MOK: variants seen among roughly 807,000 people sequenced by gnomAD.
MOK encodes MAPK/MAK/MRK overlapping kinase.
In MOK, 59 loss-of-function variants were observed where a neutral mutation model predicts 54.2. That is an observed-to-expected ratio of 1.09 (90% CI 0.88 to 1.35). The LOEUF is 1.35. Ranked by LOEUF, MOK falls within the 40% of genes most tolerant of loss-of-function variation. The pLI, the probability that MOK is intolerant of heterozygous loss-of-function variation, is 0.00. For synonymous variants in MOK, 210 were observed against 202.7 expected (o/e 1.04, Z -0.31); for missense variants, 517 against 526.2 (o/e 0.98, Z 0.17).
At chr14:102,278,920 G>T (rs991151594) in intron 2 of MOK, among the ~76,000 whole-genome samples, 1 of 152,088 alleles carries the variant, frequency 6.6e-6, no homozygotes, top group Admixed American at 6.6e-5. Context: ...GCTTTATTAC[G>T]GTGTGCCAGC....
At chr14:102,286,728 G>A (rs1252310497) in intron 1 of MOK, among the ~76,000 whole-genome samples, 1 of 152,048 alleles carries the variant, frequency 6.6e-6, no homozygotes, top group African/African-American at 2.4e-5. Context: ...GGATTAATAT[G>A]GTTTACCTGT....
chr14:102,221,288 G>C (rs886946462), downstream of MOK, among the ~76,000 whole-genome samples: 1 of 152,208 alleles, frequency 6.6e-6, no homozygotes, highest in Admixed American at 6.5e-5. The surrounding 1 kb of genome is among the most constrained non-coding windows in gnomAD (Gnocchi z 4.8). Context: ...TTCTGTTGCC[G>C]GGGGGAAGGG....
chr14:102,253,641 G>A (rs2066705589), intron 4 of MOK, among the ~76,000 whole-genome samples: 1 of 152,226 alleles, frequency 6.6e-6, no homozygotes, highest in African/African-American at 2.4e-5. Flanking sequence ...CACCTGGGCT[G>A]GCTGTGCCTT....
chr14:102,224,375 T>C, downstream of MOK: 1 of 353,964 alleles, frequency 2.8e-6, no homozygotes, highest in South Asian at 2.2e-5. Flanking sequence ...TGAAACCAGC[T>C]CGTGAGCATC....
intron 4 of MOK, among the ~76,000 whole-genome samples, chr14:102,255,210 T>C (rs1366967622): frequency 2.0e-5 from 3 of 152,014 alleles, no homozygotes; most frequent in African/African-American, 7.2e-5. Context: ...CCCAGCTACT[T>C]GGGAGGCTGA....
At chr14:102,219,111 G>A in the MOK span, among the ~76,000 whole-genome samples, 4 of 152,238 alleles carry the variant, frequency 2.6e-5, no homozygotes, top group African/African-American at 9.6e-5. Context: ...CTCGAGGGAA[G>A]CTGCAGCCGG....
chr14:102,221,935 C>T (rs1168660771), downstream of MOK, among the ~76,000 whole-genome samples: 4 of 152,180 alleles, frequency 2.6e-5, no homozygotes, highest in Admixed American at 1.3e-4. The surrounding 1 kb of genome is among the most constrained non-coding windows in gnomAD (Gnocchi z 4.8). Flanking sequence ...TCTTAATGTT[C>T]TTCATAAATG....
At chr14:102,290,546 T>C (rs1234942858) in intron 1 of MOK, among the ~76,000 whole-genome samples, 2 of 151,740 alleles carry the variant, frequency 1.3e-5, no homozygotes, top group Non-Finnish European at 2.9e-5. Context: ...AGTAAATCGG[T>C]ATATTAAAAG....
At position 102,232,321 on chromosome 14, in the gene MOK, G is replaced by A; in HGVS notation, c.866+214C>T. On this transcript the variant is annotated intron_variant, in intron 9 of 11. Transcript: ENST00000361847. The surrounding 1 kb of genome is among the most constrained non-coding windows in gnomAD (Gnocchi z 5.1). The stretch of plus-strand genomic sequence containing the variant: ...TGGACAGCCAGCCCCTCTTTCTCCT[G>A]CCGTGGAGCTGCTAACATCCTCATT... The A allele has an allele frequency of 2.0e-6, 1 of 496,886 alleles. No individual in the cohort carries two copies. The highest frequency in any genetic ancestry group is 3.5e-6 in the Non-Finnish European group (1 of 289,100). The allele number at this position is 496,886 out of a possible 1,614,324, so 30.8% of individuals were successfully genotyped here.
Position 102,235,738 on chromosome 14 carries a change from A to G in MOK, c.591-1949T>C, listed in dbSNP as rs1408123907. ...CGATCCCGCCTCCCGGGAAGGAACT[A>G]TTGTTCTTTACATCCATTTTATTTC... is the stretch of plus-strand genomic sequence containing the variant. On this transcript the variant is annotated intron_variant, in intron 7 of 11. Coordinates refer to ENST00000361847, the MANE Select transcript of MOK (RefSeq NM_014226.3). This position sits in a 1 kb window ranked among gnomAD's most constrained non-coding sequence, Gnocchi z 4.4. Among the ~76,000 whole-genome samples, 1 of 152,156 alleles carries G rather than the reference A, an allele frequency of 6.6e-6. No individual in the cohort carries two copies. Among genetic ancestry groups the G allele is most frequent in the African/African-American group, 2.4e-5 (1 of 41,436 alleles).
chr14:102,263,275 T>C lies in MOK; in HGVS notation c.283+271A>G, dbSNP rs1415142174. On this transcript the variant is annotated intron_variant, in intron 4 of 11. Transcript: ENST00000361847. ...ACGGCGGGGCTGGCTGCAGGCGCTC[T>C]GCAGCAGAGCTGCCCCTGCTGCCTC... 6.6e-5 allele frequency among the ~76,000 whole-genome samples: 10 copies of C among 152,218 alleles called. No individual in the cohort carries two copies. The East Asian group carries it at 1.7e-3, about 26-fold the overall frequency.
At chr14:102,282,910 C>A (rs1401421808) in intron 2 of MOK, among the ~76,000 whole-genome samples, 1 of 151,768 alleles carries the variant, frequency 6.6e-6, no homozygotes, top group Non-Finnish European at 1.5e-5. Flanking sequence ...TAATAATTAG[C>A]CGGGCTTGGT....
rs568194946 is a variant in MOK at position 102,287,991 on chromosome 14, C to T, written c.8-4399G>A. Among the ~76,000 whole-genome samples the T allele has an allele frequency of 7.1e-3, 1,074 of 151,608 alleles. 27 individuals are homozygous for T. The highest frequency in any genetic ancestry group is 0.025 in the African/African-American group (1,010 of 41,110). On this transcript the variant is annotated intron_variant, in intron 1 of 11. Coordinates refer to ENST00000361847, the MANE Select transcript of MOK (RefSeq NM_014226.3). ...CTGGGATTACAGGCGCCCGCCACCG[C>T]GCCCGGCTAATTTTTTGTATTTTTA...
Position 102,235,369 on chromosome 14 carries a change from C to T in MOK, c.591-1580G>A, listed in dbSNP as rs1469697113. 2 of 152,240 alleles carry T rather than the reference C, an allele frequency of 1.3e-5. No individual in the cohort carries two copies. The highest frequency in any genetic ancestry group is 2.9e-5 in the Non-Finnish European group (2 of 68,050). The allele number at this position is 152,240 out of a possible 1,614,324, so 9.4% of individuals were successfully genotyped here. ...CACCCAGTCTTATGAACTTACTTGG[C>T]ATGATCTCTATATTATTTTGTCTTC... is the stretch of plus-strand genomic sequence containing the variant. On this transcript the variant is annotated intron_variant, in intron 7 of 11. Coordinates refer to ENST00000361847, the MANE Select transcript of MOK (RefSeq NM_014226.3). This position sits in a 1 kb window ranked among gnomAD's most constrained non-coding sequence, Gnocchi z 4.4.
At position 102,235,361 on chromosome 14, in the gene MOK, T is replaced by G. The variant is rs1226803645; in HGVS notation, c.591-1572A>C. 4 of 152,284 alleles carry G rather than the reference T, an allele frequency of 2.6e-5. No homozygotes were observed. The highest frequency in any genetic ancestry group is 9.6e-5 in the African/African-American group (4 of 41,476). 9.4% of individuals were successfully genotyped at this position (152,284 alleles called of 1,614,324 possible). On this transcript the variant is annotated intron_variant, in intron 7 of 11. Transcript: ENST00000361847. The surrounding 1 kb of genome is among the most constrained non-coding windows in gnomAD (Gnocchi z 4.4). Reference sequence around the variant, plus strand: ...AAATATCTCACCCAGTCTTATGAACTTACTTGGCATGATCTCTATATTATT... The same window carrying G: ...AAATATCTCACCCAGTCTTATGAACGTACTTGGCATGATCTCTATATTATT...
At chr14:102,234,007 A>C (rs750764353) in intron 7 of MOK, 6 of 496,042 alleles carry the variant, frequency 1.2e-5, no homozygotes, top group African/African-American at 3.9e-5. Flanking sequence ...CCGGGATGTG[A>C]CCATACCGAA....
intron 2 of MOK, chr14:102,283,152 A>AT (rs1220653315): frequency 7.1e-5 from 13 of 182,986 alleles, no homozygotes; most frequent in Admixed American, 1.8e-4. Context: ...TTGATATATC[A>AT]TTTTTTTGCT....
chr14:102,250,956 C>G lies in MOK; in HGVS notation c.446G>C (p.Cys149Ser), dbSNP rs2066483246. 3 of 1,614,122 alleles carry G rather than the reference C, an allele frequency of 1.9e-6. No individual in the cohort carries two copies. Among genetic ancestry groups the G allele is most frequent in the Non-Finnish European group, 2.5e-6 (3 of 1,180,026 alleles). ...DVLKLGDFGS[C>S]RSVYSKQPYT... ...CGGCTGCTTGGAATAGACACTCCGGCAGGAGCCAAAGTCCCCTAATTTCAG... is the reference window on the plus strand; with the variant it reads ...CGGCTGCTTGGAATAGACACTCCGGGAGGAGCCAAAGTCCCCTAATTTCAG... The change falls in exon 7 of 12, where the codon TGC becomes TCC. Residue 149 changes from cysteine to serine, a missense_variant. Cys to Ser is a moderately radical substitution (Grantham distance 112). Coordinates refer to ENST00000361847, the MANE Select transcript of MOK (RefSeq NM_014226.3).
intron 1 of MOK, among the ~76,000 whole-genome samples, chr14:102,294,831 T>G (rs899222529): frequency 1.3e-5 from 2 of 152,162 alleles, no homozygotes; most frequent in Non-Finnish European, 2.9e-5. Context: ...ATTCAGTGTG[T>G]GCCAATGTCC....
Sources: allele counts gnomAD v4.1 joint callset (sites outside exome capture counted in the v4.1 genomes callset), GRCh38; gene constraint gnomAD v4.1.1; non-coding constraint Gnocchi (gnomAD v3.1); transcripts MANE v1.5; gene names NCBI Gene and HGNC (gene_info 2026-07-23, HGNC 2026-07-21).